ROBO2: variants seen among roughly 807,000 people sequenced by gnomAD.
ROBO2 encodes the protein roundabout guidance receptor 2.
ROBO2 carries 53 observed loss-of-function variants against 160.8 expected under a neutral mutation model. That is an observed-to-expected ratio of 0.33 (90% CI 0.26 to 0.41). The LOEUF (loss-of-function observed/expected upper bound fraction) is 0.41, where lower values mean the gene tolerates loss of function less well. Ranked by LOEUF, ROBO2 falls within the 10% of genes least tolerant of loss-of-function variation. ROBO2 has a pLI of 1.00. For missense variants in ROBO2, 1,577 were observed against 1,722.4 expected, an observed-to-expected ratio of 0.92 and a Z score of 1.49; for synonymous variants, 664 against 611.7, an observed-to-expected ratio of 1.09 and a Z score of -1.26.
intron 2 of ROBO2, among the ~76,000 whole-genome samples, chr3:76,622,079 CAT>C (rs5850271): frequency 0.34 from 51,184 of 150,708 alleles, 9,230 homozygotes; most frequent in Middle Eastern, 0.41. Flanking sequence ...TCTTGTGGCT[CAT>C]GTGTGTAATC....
At chr3:75,957,320 G>A (rs835170) in intron 2 of ROBO2, among the ~76,000 whole-genome samples, 149,987 of 151,526 alleles carry the variant, frequency 0.99, 74,243 homozygotes, top group East Asian at 1. Flanking sequence ...TGAAATTCCT[G>A]TGCTAATAAC....
intron 2 of ROBO2, chr3:76,434,495 C>A: frequency 1.3e-6 from 2 of 1,556,450 alleles, no homozygotes; most frequent in Non-Finnish European, 1.8e-6. Flanking sequence ...TTATACAAAC[C>A]GAGTCCTCAA....
chr3:76,426,237 T>C (rs1269673770), intron 2 of ROBO2, among the ~76,000 whole-genome samples: 2 of 152,200 alleles, frequency 1.3e-5, no homozygotes, highest in Non-Finnish European at 2.9e-5. Flanking sequence ...AGTACCACTT[T>C]GACAGCATAT....
chr3:76,782,105 T>G (rs557198822), intron 2 of ROBO2, among the ~76,000 whole-genome samples: 2 of 150,744 alleles, frequency 1.3e-5, no homozygotes, highest in African/African-American at 4.8e-5. Context: ...TGTAAGTTTT[T>G]AGGAATTCAT....
At chr3:76,152,940 C>G (rs2072265712) in intron 2 of ROBO2, among the ~76,000 whole-genome samples, 2 of 152,070 alleles carry the variant, frequency 1.3e-5, no homozygotes, top group Admixed American at 6.6e-5. Flanking sequence ...TTTAGATCTG[C>G]CTTCTTCTAA....
chr3:76,921,818 A>C (rs957577714), intron 2 of ROBO2, among the ~76,000 whole-genome samples: 1 of 152,172 alleles, frequency 6.6e-6, no homozygotes, highest in African/African-American at 2.4e-5. Context: ...TGAGGGTTTT[A>C]ACAGAATTTT....
At chr3:76,381,609 A>C (rs577912027) in intron 2 of ROBO2, among the ~76,000 whole-genome samples, 1 of 152,246 alleles carries the variant, frequency 6.6e-6, no homozygotes, top group Non-Finnish European at 1.5e-5. Context: ...TCGGCCTCCC[A>C]AAGTGCTGGG....
chr3:77,461,827 A>G (rs1240117076), intron 2 of ROBO2, among the ~76,000 whole-genome samples: 1 of 151,784 alleles, frequency 6.6e-6, no homozygotes, highest in African/African-American at 2.4e-5. Flanking sequence ...TCCTGGGTTC[A>G]AGCCATTCTC....
At chr3:77,016,094 A>G (rs1045492637) in intron 2 of ROBO2, among the ~76,000 whole-genome samples, 3 of 151,944 alleles carry the variant, frequency 2.0e-5, no homozygotes, top group Non-Finnish European at 4.4e-5. Context: ...CTCCTGCCTC[A>G]GCCTCCCGAG....
At chr3:77,341,907 T>C (rs1046520744) in intron 2 of ROBO2, among the ~76,000 whole-genome samples, 1 of 151,956 alleles carries the variant, frequency 6.6e-6, no homozygotes, top group Non-Finnish European at 1.5e-5. Flanking sequence ...CAGAAATAGA[T>C]GCATTTGTAG....
intron 2 of ROBO2, among the ~76,000 whole-genome samples, chr3:76,940,967 G>T (rs559967479): frequency 6.6e-6 from 1 of 152,218 alleles, no homozygotes; most frequent in East Asian, 1.9e-4. Context: ...CAAATGTAAC[G>T]TATTTAAATT....
intron 2 of ROBO2, among the ~76,000 whole-genome samples, chr3:77,154,997 C>G (rs926137917): frequency 1.3e-5 from 2 of 151,686 alleles, no homozygotes; most frequent in African/African-American, 4.8e-5. Context: ...CAAACCTGCA[C>G]GTATACTCCC....
rs540765616 is a variant in ROBO2 at position 76,079,486 on chromosome 3, T to G, written c.109+141884T>G. 1.3e-4 allele frequency among the ~76,000 whole-genome samples: 19 copies of G among 148,938 alleles called. 1 individual carries two copies. The South Asian group carries it at 3.0e-3, about 23-fold the overall frequency. On this transcript the variant is annotated intron_variant, in intron 2 of 26. Coordinates refer to the ROBO2 transcript ENST00000487694. ...ATTTATTTATTATTATTATTAGTTT[T>G]TTTTTTTTTTTGGTGGAGACAGAGT...
chr3:77,242,728 G>A (rs959023742), intron 2 of ROBO2, among the ~76,000 whole-genome samples: 25 of 151,726 alleles, frequency 1.6e-4, no homozygotes, highest in Admixed American at 1.4e-3. Context: ...TAAAATCTAA[G>A]GTAGAGGAGA....
intron 19 of ROBO2, among the ~76,000 whole-genome samples, chr3:77,601,041 G>A (rs769601445): frequency 1.5e-4 from 23 of 152,118 alleles, no homozygotes; most frequent in Non-Finnish European, 2.5e-4. Context: ...AAGTTATGCA[G>A]TGTACAAAAT....
chr3:76,049,122 A>G (rs73113006), intron 2 of ROBO2, among the ~76,000 whole-genome samples: 2,066 of 152,164 alleles, frequency 0.014, 25 homozygotes, highest in Non-Finnish European at 0.023. Context: ...GAGTTTTGGC[A>G]ACTTCTTATT....
intron 6 of ROBO2, among the ~76,000 whole-genome samples, chr3:77,543,230 G>A (rs1176382762): frequency 6.6e-6 from 1 of 150,936 alleles, no homozygotes; most frequent in African/African-American, 2.4e-5. Context: ...CATTTTTTCT[G>A]TTTTCATTGA....
At chr3:77,512,067 G>C (rs1360879224) in intron 5 of ROBO2, among the ~76,000 whole-genome samples, 1 of 151,934 alleles carries the variant, frequency 6.6e-6, no homozygotes, top group Non-Finnish European at 1.5e-5. Flanking sequence ...AGTGTGACCT[G>C]TGGTTGTCTA....
At chr3:76,985,763 A>G (rs182524154) in intron 2 of ROBO2, among the ~76,000 whole-genome samples, 61 of 152,256 alleles carry the variant, frequency 4.0e-4, no homozygotes, top group Non-Finnish European at 6.3e-4. Context: ...TTCAAGCAAC[A>G]GTGAAGGAAC....
Sources: allele counts gnomAD v4.1 joint callset (sites outside exome capture counted in the v4.1 genomes callset), GRCh38; gene constraint gnomAD v4.1.1; transcripts MANE v1.5; gene names NCBI Gene and HGNC (gene_info 2026-07-23, HGNC 2026-07-21).